The following KCNK12 variants were observed in gnomAD, a reference collection of about 807,000 sequenced individuals.
KCNK12 encodes the protein potassium channel subfamily K member 12.
KCNK12 carries 6 observed loss-of-function variants against 25.3 expected under a neutral mutation model. That is an observed-to-expected ratio of 0.24 (90% CI 0.13 to 0.47). The LOEUF (loss-of-function observed/expected upper bound fraction) is 0.47, where lower values mean the gene tolerates loss of function less well. KCNK12 is among the 20% of genes least tolerant of loss of function. KCNK12 has a pLI of 0.99. For synonymous variants in KCNK12, 331 were observed against 311.1 expected (o/e 1.06, Z -0.67); for missense variants, 444 against 661.7 (o/e 0.67, Z 3.61).
Position 47,560,737 on chromosome 2 carries a change from C to G in KCNK12, c.391+9204G>C, listed in dbSNP as rs988761692. ...GATAAAAACACAGTGAACTGGCAAA[C>G]ATGACATGTGGCAGGGAGGGGAGTC... On this transcript the variant is annotated intron_variant, in intron 1 of 1. Transcript: ENST00000327876. The surrounding 1 kb of genome is among the most constrained non-coding windows in gnomAD (Gnocchi z 4.7). Among the ~76,000 whole-genome samples the G allele has an allele frequency of 6.6e-6, 1 of 152,212 alleles. No individual in the cohort carries two copies. Among genetic ancestry groups the G allele is most frequent in the Non-Finnish European group, 1.5e-5 (1 of 68,036 alleles).
chr2:47,520,807 G>T lies in KCNK12; in HGVS notation c.*100C>A. 1.2e-6 allele frequency: 1 copy of T among 867,180 alleles called. No individual in the cohort carries two copies. The highest frequency in any genetic ancestry group is 1.5e-6 in the Non-Finnish European group (1 of 654,942). 53.7% of individuals were successfully genotyped at this position (867,180 alleles called of 1,614,324 possible). On this transcript the variant is annotated 3_prime_UTR_variant, in exon 2 of 2. Coordinates refer to ENST00000327876, the MANE Select transcript of KCNK12 (RefSeq NM_022055.2). This position sits in a 1 kb window ranked among gnomAD's most constrained non-coding sequence, Gnocchi z 5.0. ...AAATTTTTTTTGTTTCATTTTATTG[G>T]ATAAAGATTAAGAAAGCGCCAGCAG... is the stretch of plus-strand genomic sequence containing the variant.
In KCNK12 at chr2:47,570,070, G is replaced by T; in HGVS notation, c.262C>A (p.Pro88Thr). The T allele has an allele frequency of 7.2e-7, 1 of 1,393,028 alleles. No individual in the cohort carries two copies. The highest frequency in any genetic ancestry group is 9.3e-7 in the Non-Finnish European group (1 of 1,074,744). The allele number at this position is 1,393,028 out of a possible 1,614,324, so 86.3% of individuals were successfully genotyped here. A position where few individuals can be genotyped will look rare whatever the true frequency, so the allele number is the denominator to read the frequency against. Residue 88 changes from proline to threonine, a missense_variant, in exon 1 of 2, where the codon CCA (proline) becomes ACA (threonine). Coordinates refer to ENST00000327876, the MANE Select transcript of KCNK12 (RefSeq NM_022055.2). ...NFSAAHGVAE[P>T]ELRAFLRHYE... ...TGCCGGAGGAAGGCGCGCAGCTCTG[G>T]CTCGGCCACGCCGTGCGCAGCGCTG...
rs1236029363 is a variant in KCNK12 at position 47,518,218 on chromosome 2, G to A, written c.*2689C>T. ...GAAGGATGATGGTGTGATGTATCAT[G>A]GCAGTGTGACTGAGACTGGATTGGG... is the stretch of plus-strand genomic sequence containing the variant. On this transcript the variant is annotated 3_prime_UTR_variant, in exon 2 of 2. Transcript: ENST00000327876. This position sits in a 1 kb window ranked among gnomAD's most constrained non-coding sequence, Gnocchi z 4.1. 1 of 152,402 alleles carries A rather than the reference G, an allele frequency of 6.6e-6. No individual in the cohort carries two copies. Among genetic ancestry groups the A allele is most frequent in the Non-Finnish European group, 1.5e-5 (1 of 68,182 alleles). The allele number at this position is 152,402 out of a possible 1,614,324, so 9.4% of individuals were successfully genotyped here.
chr2:47,526,405 GA>G (rs34272868), intron 1 of KCNK12, among the ~76,000 whole-genome samples: 95 of 90,878 alleles, frequency 1.0e-3, no homozygotes, highest in Middle Eastern at 8.5e-3. Context: ...GACTCCCTCA[GA>G]AAAAAAAAAA....
chr2:47,521,023 C>T lies in KCNK12; in HGVS notation c.1177G>A (p.Ala393Thr), dbSNP rs867541666. 2 of 1,398,374 alleles carry T rather than the reference C, an allele frequency of 1.4e-6. No individual in the cohort carries two copies. Among genetic ancestry groups the T allele is most frequent in the Non-Finnish European group, 1.9e-6 (2 of 1,073,074 alleles). 86.6% of individuals were successfully genotyped at this position (1,398,374 alleles called of 1,614,324 possible). The change falls in exon 2 of 2, where the codon GCC becomes ACC. Residue 393 changes from alanine to threonine, a missense_variant. Transcript: ENST00000327876. ...CACACGCTGCGCGGGTAGCCGTTGG[C>T]CGTCTCCGACAGCTGCTTCTGCAGC... The part of the protein sequence containing the change: ...ALLQKQLSET[A>T]NGYPRSVCVN...
chr2:47,561,540 G>A (rs866624605), intron 1 of KCNK12, among the ~76,000 whole-genome samples: 10 of 152,234 alleles, frequency 6.6e-5, no homozygotes, highest in African/African-American at 1.4e-4. Context: ...TGGTGTGGCC[G>A]GGTGAGCTAC....
chr2:47,545,725 G>A (rs1558558892), intron 1 of KCNK12, among the ~76,000 whole-genome samples: 1 of 152,208 alleles, frequency 6.6e-6, no homozygotes, highest in Non-Finnish European at 1.5e-5. Context: ...GGATGCTGAT[G>A]AGGATTAAAT....
In KCNK12 at chr2:47,521,347, G is replaced by A; in HGVS notation, c.853C>T (p.Leu285=). 1 of 1,613,682 alleles carries A rather than the reference G, an allele frequency of 6.2e-7. No individual in the cohort carries two copies. Among genetic ancestry groups the A allele is most frequent in the Non-Finnish European group, 8.5e-7 (1 of 1,179,880 alleles). The change falls in exon 2 of 2, where the codon CTG becomes TTG. Residue 285 remains leucine, a synonymous_variant. Coordinates refer to ENST00000327876, the MANE Select transcript of KCNK12 (RefSeq NM_022055.2). ...GAGTAAATGCAGCACACGCCGAGCA[G>A]GATGAAGAGGAAGTTGCCCAGGCGG... ...LYRLGNFLFI[L]LGVCCIYSLF... is the part of the protein sequence containing the mutation.
Position 47,569,068 on chromosome 2 carries a change from G to A in KCNK12, c.391+873C>T, listed in dbSNP as rs1361497819. Reference sequence around the variant, plus strand: ...AGAATTTCTCCACAGGAGCTCAGAGGCAGCAATCTGGCCACAGAGGGAGGG... The same window carrying A: ...AGAATTTCTCCACAGGAGCTCAGAGACAGCAATCTGGCCACAGAGGGAGGG... On this transcript the variant is annotated intron_variant, in intron 1 of 1. Coordinates refer to ENST00000327876, the MANE Select transcript of KCNK12 (RefSeq NM_022055.2). This position sits in a 1 kb window ranked among gnomAD's most constrained non-coding sequence, Gnocchi z 4.1. Among the ~76,000 whole-genome samples, 3 of 151,900 alleles carry A rather than the reference G, an allele frequency of 2.0e-5. No homozygotes were observed. The highest frequency in any genetic ancestry group is 4.4e-5 in the Non-Finnish European group (3 of 67,996).
chr2:47,553,244 C>T (rs1026569193), intron 1 of KCNK12, among the ~76,000 whole-genome samples: 2 of 152,182 alleles, frequency 1.3e-5, no homozygotes, highest in Non-Finnish European at 2.9e-5. Context: ...AAAATTATAA[C>T]GCATAGATTA....
intron 1 of KCNK12, chr2:47,564,454 A>C (rs942678330): frequency 1.8e-5 from 4 of 223,432 alleles, no homozygotes; most frequent in Admixed American, 1.1e-4. Flanking sequence ...GCTATCCAGC[A>C]ATAGGGGTAG....
At chr2:47,568,675 T>G (rs1669830168) in intron 1 of KCNK12, among the ~76,000 whole-genome samples, 1 of 152,222 alleles carries the variant, frequency 6.6e-6, no homozygotes, top group African/African-American at 2.4e-5. Context: ...CATGCCTCTG[T>G]ATCTGAACTG....
At position 47,557,866 on chromosome 2, in the gene KCNK12, G is replaced by T. The variant is rs1669581688; in HGVS notation, c.391+12075C>A. ...GCCTTAGGGATTCGGGGACTGTGAA[G>T]GTAGAAACGGCAGTAAGGTGGACTT... is the stretch of plus-strand genomic sequence containing the variant. On this transcript the variant is annotated intron_variant, in intron 1 of 1. Coordinates refer to ENST00000327876, the MANE Select transcript of KCNK12 (RefSeq NM_022055.2). The surrounding 1 kb of genome is among the most constrained non-coding windows in gnomAD (Gnocchi z 4.9). 6.6e-6 allele frequency among the ~76,000 whole-genome samples: 1 copy of T among 152,148 alleles called. No individual in the cohort carries two copies. Among genetic ancestry groups the T allele is most frequent in the African/African-American group, 2.4e-5 (1 of 41,426 alleles).
rs1249552228 is a variant in KCNK12, at chr2:47,555,080, T to A, written c.391+14861A>T. Among the ~76,000 whole-genome samples the A allele has an allele frequency of 6.6e-6, 1 of 152,234 alleles. No homozygotes were observed. Among genetic ancestry groups the A allele is most frequent in the Non-Finnish European group, 1.5e-5 (1 of 68,048 alleles). ...ATATAGCAGGAATCAGGAGTTCTAT[T>A]TTGGGCTTTTAAAAGTTTTGATACA... On this transcript the variant is annotated intron_variant, in intron 1 of 1. Transcript: ENST00000327876. This position sits in a 1 kb window ranked among gnomAD's most constrained non-coding sequence, Gnocchi z 4.5.
In KCNK12 at chr2:47,510,908, T is replaced by A. The variant is rs1268404690; in HGVS notation, c.*9999A>T. On this transcript the variant is annotated 3_prime_UTR_variant, in exon 2 of 2. Coordinates refer to ENST00000327876, the MANE Select transcript of KCNK12 (RefSeq NM_022055.2). ...CCTAGTGCTTGGCATGGGACTCAGA[T>A]CTGAAGCAGCCTCTCCGGGACTTCT... is the stretch of plus-strand genomic sequence containing the variant. The A allele has an allele frequency of 6.6e-6, 1 of 152,200 alleles. No individual in the cohort carries two copies. The highest frequency in any genetic ancestry group is 1.5e-5 in the Non-Finnish European group (1 of 68,034). The allele number at this position is 152,200 out of a possible 1,614,324, so 9.4% of individuals were successfully genotyped here.
rs915365240 is a variant in KCNK12, at chr2:47,519,377, G to A, written c.*1530C>T. ...TTTCACAGCATGGCTCCAGCTGGAG[G>A]CGGTGAGGCGGTGCTTTTCTAAGAC... On this transcript the variant is annotated 3_prime_UTR_variant, in exon 2 of 2. Transcript: ENST00000327876. The A allele has an allele frequency of 2.6e-5, 4 of 152,264 alleles. No individual in the cohort carries two copies. Among genetic ancestry groups the A allele is most frequent in the South Asian group, 2.1e-4 (1 of 4,836 alleles). The allele number at this position is 152,264 out of a possible 1,614,324, so 9.4% of individuals were successfully genotyped here.
rs1669846705 is a variant in KCNK12, at chr2:47,569,547, T to G, written c.391+394A>C. 6.7e-6 allele frequency among the ~76,000 whole-genome samples: 1 copy of G among 148,966 alleles called. No homozygotes were observed. The highest frequency in any genetic ancestry group is 2.5e-5 in the African/African-American group (1 of 40,248). ...TGAAAAGAAATAAAAGCGCCGAGGG[T>G]GGAGGGAGAAGGGGCTTTTGAGATC... On this transcript the variant is annotated intron_variant, in intron 1 of 1. Coordinates refer to ENST00000327876, the MANE Select transcript of KCNK12 (RefSeq NM_022055.2). The surrounding 1 kb of genome is among the most constrained non-coding windows in gnomAD (Gnocchi z 4.1).
At position 47,516,791 on chromosome 2, in the gene KCNK12, G is replaced by A. The variant is rs1036422162; in HGVS notation, c.*4116C>T. The stretch of plus-strand genomic sequence containing the variant: ...AAGAAGGGGAAGGGGAAGAGGGTTT[G>A]GGGCCAGGTCCGAGTGCAGAAATCC... On this transcript the variant is annotated 3_prime_UTR_variant, in exon 2 of 2. Transcript: ENST00000327876. 3 of 152,264 alleles carry A rather than the reference G, an allele frequency of 2.0e-5. No homozygotes were observed. The highest frequency in any genetic ancestry group is 2.9e-5 in the Non-Finnish European group (2 of 68,086). The allele number at this position is 152,264 out of a possible 1,614,324, so 9.4% of individuals were successfully genotyped here. A position where few individuals can be genotyped will look rare whatever the true frequency, so the allele number is the denominator to read the frequency against.
intron 1 of KCNK12, among the ~76,000 whole-genome samples, chr2:47,559,211 A>G (rs1669613688): frequency 6.6e-6 from 1 of 152,228 alleles, no homozygotes; most frequent in Non-Finnish European, 1.5e-5. Flanking sequence ...ACGCACTGCC[A>G]GGGAGGGGAG....
Sources: gnomAD v4.1 joint callset for allele counts (sites outside exome capture counted in the v4.1 genomes callset) on GRCh38, gnomAD v4.1.1 for gene constraint, Gnocchi (gnomAD v3.1) non-coding constraint, MANE v1.5 for transcripts, NCBI Gene and HGNC (gene_info 2026-07-23, HGNC 2026-07-21) for gene names.